REXO1: variants seen among roughly 807,000 people sequenced by gnomAD.
The protein encoded by REXO1 is REX1, RNA exonuclease 1 homolog.
In REXO1, 42 loss-of-function variants were observed where a neutral mutation model predicts 102.6. The ratio of observed to expected loss-of-function variants is 0.41; its 90% CI spans 0.32 to 0.53. The LOEUF (loss-of-function observed/expected upper bound fraction) is 0.53. Among genes scored for constraint, REXO1 ranks in the 20% least tolerant of loss-of-function variants. The pLI is 0.27. For missense variants in REXO1, 1,819 were observed against 1,732.5 expected, an observed-to-expected ratio of 1.05 and a Z score of -0.89; for synonymous variants, 908 against 779.1, an observed-to-expected ratio of 1.17 and a Z score of -2.76.
rs767964495 is a variant in REXO1 at position 1,825,983 on chromosome 19, G to A, written c.1912-40C>T. On this transcript the variant is annotated intron_variant, in intron 2 of 15. Coordinates refer to ENST00000170168, the MANE Select transcript of REXO1 (RefSeq NM_020695.4). Reference sequence around the variant, plus strand: ...CGTCCGTCAGCACAGGTCTGCCCTCGCTGCCAACACCAACACACCCCAACC... The same window carrying A: ...CGTCCGTCAGCACAGGTCTGCCCTCACTGCCAACACCAACACACCCCAACC... The A allele has an allele frequency of 1.1e-5, 16 of 1,454,212 alleles. No individual in the cohort carries two copies. In the Admixed American group the frequency reaches 1.8e-4, roughly 17 times the overall value. 90.1% of individuals were successfully genotyped at this position (1,454,212 alleles called of 1,614,324 possible). A position where few individuals can be genotyped will look rare whatever the true frequency, so the allele number is the denominator to read the frequency against.
chr19:1,830,268 G>A (rs2069866922), intron 1 of REXO1, among the ~76,000 whole-genome samples: 1 of 152,170 alleles, frequency 6.6e-6, no homozygotes, highest in Non-Finnish European at 1.5e-5. Context: ...CAGCACTTTG[G>A]GAGGCTGAGG....
chr19:1,841,960 C>T (rs995595584), intron 1 of REXO1, among the ~76,000 whole-genome samples: 5 of 152,152 alleles, frequency 3.3e-5, no homozygotes, highest in Admixed American at 3.3e-4. Context: ...CTTGTAATCC[C>T]AGCACTTTGG....
At chr19:1,832,487 G>C (rs558672519) in intron 1 of REXO1, among the ~76,000 whole-genome samples, 8 of 152,374 alleles carry the variant, frequency 5.3e-5, no homozygotes, top group African/African-American at 1.9e-4. Context: ...CCCGGAGGCT[G>C]CAGAGGAGGT....
At chr19:1,843,504 C>A (rs1035040928) in intron 1 of REXO1, among the ~76,000 whole-genome samples, 1 of 152,210 alleles carries the variant, frequency 6.6e-6, no homozygotes, top group African/African-American at 2.4e-5. Context: ...GACAATCTGG[C>A]CCCCAGTGTC....
chr19:1,828,681 C>A, intron 1 of REXO1, 50 bp from the exon 2 acceptor site: 2 of 1,534,900 alleles, frequency 1.3e-6, no homozygotes, highest in East Asian at 2.4e-5. Flanking sequence ...GAGAGGAGCC[C>A]GCAGCATGGG....
At chr19:1,824,695 G>A (rs926721696) in intron 3 of REXO1, among the ~76,000 whole-genome samples, 1 of 152,150 alleles carries the variant, frequency 6.6e-6, no homozygotes, top group Non-Finnish European at 1.5e-5. Flanking sequence ...AAGAACGAAT[G>A]GGGAAATCAC....
chr19:1,841,070 G>T (rs532319192), intron 1 of REXO1, among the ~76,000 whole-genome samples: 3 of 152,190 alleles, frequency 2.0e-5, no homozygotes, highest in South Asian at 2.1e-4. Flanking sequence ...GGATCGCCCC[G>T]AAACAGCCAG....
chr19:1,819,263 T>G, intron 7 of REXO1, 132 bp from the exon 8 acceptor site: 1 of 636,070 alleles, frequency 1.6e-6, no homozygotes, highest in South Asian at 2.1e-5. Context: ...AGCACCCCAC[T>G]GACCCCGGGT....
Position 1,820,283 on chromosome 19 carries a change from T to C in REXO1, c.2507A>G (p.Asn836Ser). ...CCTCACCTTCTCTATGGCCTCCTGG[T>C]TGGAGGTACAGAACTTGAGACACTC... ...IEECLKFCTSNQEAIEKALNE... is the reference protein window; with the variant it reads ...IEECLKFCTSSQEAIEKALNE... The change falls in exon 6 of 16, where the codon AAC becomes AGC. Residue 836 changes from asparagine to serine, a missense_variant. Coordinates refer to ENST00000170168, the MANE Select transcript of REXO1 (RefSeq NM_020695.4). The C allele has an allele frequency of 1.9e-6, 3 of 1,613,484 alleles. No individual in the cohort carries two copies. The highest frequency in any genetic ancestry group is 2.5e-6 in the Non-Finnish European group (3 of 1,179,816).
intron 3 of REXO1, chr19:1,824,435 G>C (rs151014783): frequency 6.6e-6 from 1 of 152,388 alleles, no homozygotes; most frequent in Non-Finnish European, 1.5e-5. Context: ...CTCGGGCAGC[G>C]TCAAAGATAA....
chr19:1,822,067 T>C (rs1348143912), intron 4 of REXO1: 3 of 473,632 alleles, frequency 6.3e-6, no homozygotes, highest in Non-Finnish European at 1.1e-5. Flanking sequence ...CCCTGCGGCC[T>C]CTGTGTTCTG....
chr19:1,817,741 G>A lies in REXO1; in HGVS notation c.3056C>T (p.Ala1019Val), dbSNP rs146091892. Residue 1019 changes from alanine (A) to valine (V), a missense_variant, in exon 11 of 16, where the codon GCT (alanine) becomes GTT (valine). Transcript: ENST00000170168. ...TTGGCAGCCGACAGAGCCGGCGGCA[G>A]CCGAGCAGCACATGTACTGGGTCTC... ...GWETQYMCCS[A>V]AAGSVGCQVA... The A allele has an allele frequency of 1.2e-6, 2 of 1,612,468 alleles. No homozygotes were observed. Among genetic ancestry groups the A allele is most frequent in the Non-Finnish European group, 1.7e-6 (2 of 1,179,776 alleles).
chr19:1,835,062 G>C, intron 1 of REXO1: 1 of 319,052 alleles, frequency 3.1e-6, no homozygotes, highest in South Asian at 2.1e-5. Context: ...CTCAGAACAG[G>C]GGGTACGGCG....
At chr19:1,829,715 G>A (rs2069851769) in intron 1 of REXO1, among the ~76,000 whole-genome samples, 1 of 152,116 alleles carries the variant, frequency 6.6e-6, no homozygotes, top group African/African-American at 2.4e-5. Flanking sequence ...GGCTGAGGCA[G>A]GAGAATCGCT....
At chr19:1,819,235 ACT>A (rs35528437) in intron 7 of REXO1, 104 bp from the exon 8 acceptor site, 364,091 of 800,438 alleles carry the variant, frequency 0.45, 89,455 homozygotes, top group Non-Finnish European at 0.51. Flanking sequence ...CTCTGCCTCA[ACT>A]CCCCCTTTCT....
In REXO1 at chr19:1,819,084, T is replaced by G; in HGVS notation, c.2698A>C (p.Arg900=). ...VVSHEVVLGG[R]LAAKTSFSLS... is the part of the protein sequence containing the mutation. ...GAGAAGCTGGTCTTGGCGGCCAACC[T>G]GCCCCCCAACACCACCTCGTGGGAC... The change falls in exon 8 of 16, where the codon AGG becomes CGG. Residue 900 remains arginine (R), a synonymous_variant. Transcript: ENST00000170168. 1.3e-6 allele frequency: 2 copies of G among 1,599,090 alleles called. No individual in the cohort carries two copies. The highest frequency in any genetic ancestry group is 1.7e-6 in the Non-Finnish European group (2 of 1,172,172).
Position 1,827,026 on chromosome 19 carries a change from GA to G in REXO1, c.1762del (p.Ser588ProfsTer65). ...PAPSSSSSSS[S>X]STSSAGADVD... ...ATCCGCCCCCGCGCTGGAGGTGGAG[GA>G]GGAGGAGGAGGAGGAGGAGGATGGG... On this transcript the variant is annotated frameshift_variant, in exon 2 of 16. Transcript: ENST00000170168. LOFTEE classifies it high-confidence loss of function. 6.8e-7 allele frequency: 1 copy of G among 1,461,074 alleles called. No individual in the cohort carries two copies. Among genetic ancestry groups the G allele is most frequent in the Non-Finnish European group, 9.3e-7 (1 of 1,074,440 alleles). The allele number at this position is 1,461,074 out of a possible 1,614,324, so 90.5% of individuals were successfully genotyped here. A position where few individuals can be genotyped will look rare whatever the true frequency, so the allele number is the denominator to read the frequency against.
intron 1 of REXO1, among the ~76,000 whole-genome samples, chr19:1,832,837 A>G (rs2069941811): frequency 6.7e-6 from 1 of 149,310 alleles, no homozygotes; most frequent in Admixed American, 6.8e-5. Flanking sequence ...AATCGCTTGA[A>G]CCCAGGAGGC....
intron 1 of REXO1, among the ~76,000 whole-genome samples, chr19:1,832,830 C>G (rs561569744): frequency 6.6e-6 from 1 of 150,616 alleles, no homozygotes; most frequent in South Asian, 2.1e-4. Flanking sequence ...GCAGGAGAAT[C>G]GCTTGAACCC....
Sources: allele counts gnomAD v4.1 joint callset (sites outside exome capture counted in the v4.1 genomes callset), GRCh38; gene constraint gnomAD v4.1.1; transcripts MANE v1.5; gene names NCBI Gene and HGNC (gene_info 2026-07-23, HGNC 2026-07-21).